ACSF2: variants seen among roughly 807,000 people sequenced by gnomAD.
The protein encoded by ACSF2 is acyl-CoA synthetase family member 2.
ACSF2 carries 52 observed loss-of-function variants against 79.3 expected under a neutral mutation model. That is an observed-to-expected ratio of 0.66 (90% CI 0.53 to 0.83). The LOEUF (loss-of-function observed/expected upper bound fraction) is 0.83, where lower values mean the gene tolerates loss of function less well. Among genes scored for constraint, ACSF2 ranks in the 40% least tolerant of loss-of-function variants. ACSF2 has a pLI of 0.00. For missense variants in ACSF2, 661 were observed against 803.3 expected, an observed-to-expected ratio of 0.82 and a Z score of 2.14; for synonymous variants, 283 against 312.6, an observed-to-expected ratio of 0.91 and a Z score of 1.00.
chr17:50,446,373 T>C (rs1379804334), intron 1 of ACSF2, among the ~76,000 whole-genome samples: 1 of 152,150 alleles, frequency 6.6e-6, no homozygotes, highest in East Asian at 1.9e-4. Context: ...TTCTCCTGCC[T>C]CAGCCTCCTG....
intron 1 of ACSF2, among the ~76,000 whole-genome samples, chr17:50,430,651 C>G (rs1288449791): frequency 6.6e-6 from 1 of 152,022 alleles, no homozygotes; most frequent in Non-Finnish European, 1.5e-5. Context: ...GGCGACAGAG[C>G]GAGACTCTGT....
rs771723082 is a variant in ACSF2 at position 50,426,947 on chromosome 17, T to C, written c.128+558T>C. 23 of 1,535,638 alleles carry C rather than the reference T, an allele frequency of 1.5e-5. No homozygotes were observed. In the African/African-American group the frequency reaches 2.6e-4, roughly 17 times the overall value. ...AAGCTGGCAGGCAGAGGATTTCAGTTCCCAGTAGCTTCACTGCCTCTGCAG... is the reference window on the plus strand; with the variant it reads ...AAGCTGGCAGGCAGAGGATTTCAGTCCCCAGTAGCTTCACTGCCTCTGCAG... On this transcript the variant is annotated intron_variant, in intron 1 of 15. Transcript: ENST00000300441.
chr17:50,427,096 A>C, intron 1 of ACSF2: 1 of 1,056,170 alleles, frequency 9.5e-7, no homozygotes, highest in Admixed American at 2.1e-5. Flanking sequence ...CAGGGCTGTT[A>C]GCTTCAGCAG....
chr17:50,456,517 G>A (rs1390768042), intron 1 of ACSF2, among the ~76,000 whole-genome samples: 1 of 151,960 alleles, frequency 6.6e-6, no homozygotes, highest in African/African-American at 2.4e-5. Context: ...CGGATCACCT[G>A]AGGTCGGGAG....
At chr17:50,443,400 T>A (rs554565378) in intron 1 of ACSF2, among the ~76,000 whole-genome samples, 52 of 152,334 alleles carry the variant, frequency 3.4e-4, no homozygotes, top group African/African-American at 1.3e-3. Flanking sequence ...GTTTTGAAGC[T>A]AACACAGTTT....
In ACSF2 at chr17:50,460,624, G is replaced by A. The variant is rs1393623965; in HGVS notation, c.129-53G>A. 95 of 1,543,750 alleles carry A rather than the reference G, an allele frequency of 6.2e-5. No individual in the cohort carries two copies. In the East Asian group the frequency reaches 2.2e-3, roughly 35 times the overall value. ...CTTGGCTGGGTGTGCCATGCCCTTG[G>A]TTCCAGGGAGACTGATCTGGGACAG... On this transcript the variant is annotated intron_variant, in intron 1 of 15. Transcript: ENST00000300441.
intron 12 of ACSF2, 44 bp downstream of exon 12, chr17:50,472,623 G>A (rs781287199): frequency 1.9e-6 from 3 of 1,556,488 alleles, no homozygotes; most frequent in Admixed American, 3.9e-5. Context: ...GCTGAGGGGA[G>A]GCTGGAGGTC....
At position 50,454,161 on chromosome 17, in the gene ACSF2, C is replaced by T. The variant is rs1170293883; in HGVS notation, c.129-6516C>T. On this transcript the variant is annotated intron_variant, in intron 1 of 15. Transcript: ENST00000300441. Reference sequence around the variant, plus strand: ...TCAAGCCTGAGCGACAGAGTAAGACCGTCCCAAATTTTTTTTTTTTTTTTT... The same window carrying T: ...TCAAGCCTGAGCGACAGAGTAAGACTGTCCCAAATTTTTTTTTTTTTTTTT... Among the ~76,000 whole-genome samples, 5 of 147,856 alleles carry T rather than the reference C, an allele frequency of 3.4e-5. No individual in the cohort carries two copies. In the East Asian group the frequency reaches 5.9e-4, roughly 17 times the overall value.
At chr17:50,438,422 G>A (rs1196986943) in intron 1 of ACSF2, among the ~76,000 whole-genome samples, 2 of 152,126 alleles carry the variant, frequency 1.3e-5, no homozygotes, top group Non-Finnish European at 2.9e-5. Flanking sequence ...CTGTGCTACC[G>A]TGACCACCAG....
chr17:50,454,765 G>A (rs887583257), intron 1 of ACSF2, among the ~76,000 whole-genome samples: 1 of 152,180 alleles, frequency 6.6e-6, no homozygotes, highest in Non-Finnish European at 1.5e-5. Context: ...GAGAGAAGAA[G>A]GACCTATTGG....
At chr17:50,435,518 C>G (rs1180678689) in intron 1 of ACSF2, among the ~76,000 whole-genome samples, 1 of 151,992 alleles carries the variant, frequency 6.6e-6, no homozygotes, top group Non-Finnish European at 1.5e-5. Flanking sequence ...TCAAGTGATC[C>G]TCCTGCCTCA....
intron 2 of ACSF2, 29 bp downstream of exon 2, chr17:50,460,901 GGGCAAGTACT>G: frequency 6.3e-7 from 1 of 1,590,206 alleles, no homozygotes; most frequent in African/African-American, 1.3e-5. Flanking sequence ...ACCTCAAAGT[GGGCAAGTACT>G]AGCTCCCAAG....
In ACSF2 at chr17:50,461,697, T is replaced by A. The variant is rs772899981; in HGVS notation, c.507+11T>A. The stretch of plus-strand genomic sequence containing the variant: ...TATGTCCTCAAGAAGGTACAGCTCA[T>A]TTGTCGGGGAGGGGCCCGGCTGGGG... On this transcript the variant is annotated intron_variant, in intron 4 of 15. Transcript: ENST00000300441. 3.7e-6 allele frequency: 6 copies of A among 1,613,748 alleles called. No individual in the cohort carries two copies. The Admixed American group carries it at 8.3e-5, about 22-fold the overall frequency.
intron 4 of ACSF2, among the ~76,000 whole-genome samples, chr17:50,461,951 T>TGTGC (rs112810352): frequency 7.3e-5 from 11 of 150,480 alleles, no homozygotes; most frequent in African/African-American, 2.2e-4. Flanking sequence ...TGTGTGTGTG[T>TGTGC]GCGTGTGTCC....
intron 12 of ACSF2, chr17:50,472,870 C>A: frequency 3.7e-6 from 1 of 271,346 alleles, no homozygotes. Context: ...GTGCTAGCAC[C>A]GTTCTCGCCG....
chr17:50,437,914 A>G (rs2030566837), intron 1 of ACSF2, among the ~76,000 whole-genome samples: 1 of 152,242 alleles, frequency 6.6e-6, no homozygotes, highest in Non-Finnish European at 1.5e-5. Context: ...GAAAAATTAT[A>G]AATGAAAGAA....
At chr17:50,472,665 C>T in intron 12 of ACSF2, 86 bp downstream of exon 12, 1 of 1,465,822 alleles carries the variant, frequency 6.8e-7, no homozygotes, top group Non-Finnish European at 9.1e-7. Context: ...TAACCTGGCA[C>T]CGTGAGGATG....
At chr17:50,468,831 C>A in intron 10 of ACSF2, 2 of 1,498,932 alleles carry the variant, frequency 1.3e-6, no homozygotes, top group Non-Finnish European at 1.8e-6. Flanking sequence ...ACGCCTGGGG[C>A]CGGGGCTGGG....
intron 1 of ACSF2, among the ~76,000 whole-genome samples, chr17:50,453,748 T>G (rs1016523353): frequency 5.3e-5 from 8 of 150,590 alleles, no homozygotes; most frequent in East Asian, 1.9e-4. Context: ...TTTTTGTGGT[T>G]GTTGTTTTGG....
Sources: gnomAD v4.1 joint callset for allele counts (sites outside exome capture counted in the v4.1 genomes callset) on GRCh38, gnomAD v4.1.1 for gene constraint, MANE v1.5 for transcripts, NCBI Gene and HGNC (gene_info 2026-07-23, HGNC 2026-07-21) for gene names.